Variants in TEX2 observed in about 807,000 individuals in gnomAD.
TEX2 encodes the protein testis expressed 2.
Under a neutral mutation model 106.9 loss-of-function variants are expected in TEX2, and 53 were observed. The observed-to-expected ratio is 0.50, with a 90% CI of 0.40 to 0.62. The LOEUF (loss-of-function observed/expected upper bound fraction) is 0.62, where lower values mean the gene tolerates loss of function less well. TEX2 is among the 20% of genes least tolerant of loss of function. The probability of loss-of-function intolerance (pLI) is 0.00; values close to 1 mark genes in which losing one functional copy is unlikely to be tolerated. For synonymous variants in TEX2, 523 were observed against 534.8 expected (o/e 0.98, Z 0.30); for missense variants, 1,207 against 1,379.0 (o/e 0.88, Z 1.98).
intron 1 of TEX2, among the ~76,000 whole-genome samples, chr17:64,219,055 T>C (rs1366349514): frequency 2.0e-5 from 3 of 151,942 alleles, no homozygotes; most frequent in Non-Finnish European, 4.4e-5. Flanking sequence ...TCAAATACAA[T>C]GAATGGTAAG....
intron 1 of TEX2, among the ~76,000 whole-genome samples, chr17:64,232,395 A>C (rs1027995151): frequency 5.3e-5 from 8 of 152,162 alleles, no homozygotes; most frequent in African/African-American, 1.9e-4. Flanking sequence ...TTTACCAGTA[A>C]ACTGATTAAT....
intron 5 of TEX2, among the ~76,000 whole-genome samples, chr17:64,183,449 C>T (rs777657169): frequency 1.1e-4 from 17 of 152,064 alleles, no homozygotes; most frequent in Non-Finnish European, 1.6e-4. Context: ...TTTTTTGAGG[C>T]AGAGTCTCAC....
intron 1 of TEX2, among the ~76,000 whole-genome samples, chr17:64,237,788 T>C (rs1038754531): frequency 2.0e-5 from 3 of 152,112 alleles, no homozygotes; most frequent in Non-Finnish European, 2.9e-5. Flanking sequence ...GACATTTTAT[T>C]CTGAGATACT....
chr17:64,203,269 C>T (rs2032726939), intron 2 of TEX2, among the ~76,000 whole-genome samples: 1 of 152,204 alleles, frequency 6.6e-6, no homozygotes, highest in African/African-American at 2.4e-5. Context: ...TTTCACCCTG[C>T]TGACATGTGG....
In TEX2 at chr17:64,213,732, G is replaced by T. The variant is rs140406886; in HGVS notation, c.486C>A (p.Ser162=). 6.2e-7 allele frequency: 1 copy of T among 1,614,166 alleles called. No homozygotes were observed. Among genetic ancestry groups the T allele is most frequent in the African/African-American group, 1.3e-5 (1 of 75,024 alleles). ...GAGACTTAGAAGGAGAGGACAATGG[G>T]GAGGAAGAACTGGTTTTCTGCTCAG... ...SLSEQKTSSS[S]PLSSPSKSPI... is the part of the protein sequence containing the mutation. Residue 162 remains serine (S), a synonymous_variant, in exon 2 of 12, where the codon TCC becomes TCA. Transcript: ENST00000584379. The surrounding 1 kb of genome is among the most constrained non-coding windows in gnomAD (Gnocchi z 4.4).
chr17:64,241,644 T>A (rs782115123), intron 1 of TEX2, among the ~76,000 whole-genome samples: 17 of 152,234 alleles, frequency 1.1e-4, no homozygotes, highest in South Asian at 2.1e-4. Context: ...TATTATTATT[T>A]TTTTTTAAAG....
chr17:64,151,044 A>G (rs1407732106), intron 10 of TEX2, 83 bp from the exon 11 acceptor site: 9 of 1,452,780 alleles, frequency 6.2e-6, no homozygotes, highest in Middle Eastern at 3.6e-4. Context: ...TCTCATTTAC[A>G]TGGGGCTTTA....
chr17:64,210,958 T>TATC, intron 2 of TEX2, among the ~76,000 whole-genome samples: 1 of 151,698 alleles, frequency 6.6e-6, no homozygotes, highest in East Asian at 1.9e-4. Flanking sequence ...TTACTTATTT[T>TATC]ATTATTATTA....
intron 1 of TEX2, among the ~76,000 whole-genome samples, chr17:64,259,338 T>C (rs1003488115): frequency 2.6e-5 from 4 of 152,208 alleles, no homozygotes; most frequent in Non-Finnish European, 5.9e-5. Context: ...AATTACGCAT[T>C]ATAAAGAGTT....
chr17:64,184,742 T>C (rs2032013289), intron 5 of TEX2, among the ~76,000 whole-genome samples: 1 of 152,214 alleles, frequency 6.6e-6, no homozygotes, highest in African/African-American at 2.4e-5. Context: ...CTATGATCCA[T>C]TTTGAGTTAA....
At chr17:64,173,692 A>C (rs1389620552) in intron 6 of TEX2, among the ~76,000 whole-genome samples, 1 of 152,208 alleles carries the variant, frequency 6.6e-6, no homozygotes, top group Non-Finnish European at 1.5e-5. Context: ...CAACCTATAA[A>C]ATGCTACTTG....
chr17:64,193,467 C>CGTTCGTTG, intron 4 of TEX2, 92 bp downstream of exon 4: 1 of 640,486 alleles, frequency 1.6e-6, no homozygotes, highest in Non-Finnish European at 2.2e-6. Context: ...GGGTGGGCTT[C>CGTTCGTTG]CTTCCTTCCT....
intron 1 of TEX2, among the ~76,000 whole-genome samples, chr17:64,234,620 T>C (rs1010763233): frequency 1.3e-5 from 2 of 152,176 alleles, no homozygotes; most frequent in African/African-American, 4.8e-5. Context: ...TCTGGATCTG[T>C]CGAATGAGGA....
At chr17:64,176,433 A>G (rs1423450216) in intron 6 of TEX2, among the ~76,000 whole-genome samples, 7 of 152,178 alleles carry the variant, frequency 4.6e-5, no homozygotes, top group Non-Finnish European at 8.8e-5. Context: ...TAGTGAAAGG[A>G]TATCATAGGC....
intron 1 of TEX2, 98 bp from the exon 2 acceptor site, chr17:64,214,340 G>A: frequency 9.8e-7 from 1 of 1,017,344 alleles, no homozygotes. Context: ...TGTTTAAGTG[G>A]TGATTATGCT....
Position 64,255,028 on chromosome 17 carries a change from C to CTTTTTT in TEX2, c.-26+8134_-26+8139dup, listed in dbSNP as rs566755382. Among the ~76,000 whole-genome samples, 55 of 132,490 alleles carry CTTTTTT rather than the reference C, an allele frequency of 4.2e-4. 21 individuals carry two copies. Among genetic ancestry groups the CTTTTTT allele is most frequent in the South Asian group, 4.9e-4 (2 of 4,074 alleles). 86.9% of individuals were successfully genotyped at this position (132,490 alleles called of 152,430 possible). On this transcript the variant is annotated intron_variant, in intron 1 of 11. Transcript: ENST00000584379. ...TACAGGTGTGTGTCACTGCATCTGG[C>CTTTTTT]TTTTTTTTTTTTTTTTTTGTAGAGG...
At chr17:64,178,313 A>G (rs987418588) in intron 5 of TEX2, among the ~76,000 whole-genome samples, 34 of 152,192 alleles carry the variant, frequency 2.2e-4, no homozygotes, top group African/African-American at 8.0e-4. Flanking sequence ...AAGGGTAAAC[A>G]GCAGCACCCA....
In TEX2 at chr17:64,182,144, C is replaced by A. The variant is rs2031895342; in HGVS notation, c.2425-4673G>T. Among the ~76,000 whole-genome samples, 4 of 152,188 alleles carry A rather than the reference C, an allele frequency of 2.6e-5. No individual in the cohort carries two copies. In the South Asian group the frequency reaches 8.3e-4, roughly 32 times the overall value. On this transcript the variant is annotated intron_variant, in intron 5 of 11. Coordinates refer to ENST00000584379, the MANE Select transcript of TEX2 (RefSeq NM_001288732.2). ...CGTACACAATGGAGCATGATTCAGCCTCAAAAAGGAAGGCGATTCTGACTT... is the reference window on the plus strand; with the variant it reads ...CGTACACAATGGAGCATGATTCAGCATCAAAAAGGAAGGCGATTCTGACTT...
rs144995761 is a variant in TEX2, at chr17:64,212,888, G to A, written c.1330C>T (p.Leu444Phe). The A allele has an allele frequency of 6.2e-7, 1 of 1,614,064 alleles. No individual in the cohort carries two copies. Among genetic ancestry groups the A allele is most frequent in the Non-Finnish European group, 8.5e-7 (1 of 1,180,054 alleles). Residue 444 changes from leucine (L) to phenylalanine (F), a missense_variant, in exon 2 of 12, where the codon CTC (leucine) becomes TTC (phenylalanine). Coordinates refer to ENST00000584379, the MANE Select transcript of TEX2 (RefSeq NM_001288732.2). ...SKVDKLSDIP[L>F]KPEVLAEDGV... is the part of the protein sequence containing the mutation. The stretch of plus-strand genomic sequence containing the variant: ...TCTTCCGCGAGCACCTCTGGCTTGA[G>A]AGGAATATCTGAGAGCTTATCAACT...
Sources: gnomAD v4.1 joint callset for allele counts (sites outside exome capture counted in the v4.1 genomes callset) on GRCh38, gnomAD v4.1.1 for gene constraint, Gnocchi (gnomAD v3.1) non-coding constraint, MANE v1.5 for transcripts, NCBI Gene and HGNC (gene_info 2026-07-23, HGNC 2026-07-21) for gene names.